Variants in GRIK2 observed in about 807,000 individuals in gnomAD.
GRIK2 encodes the protein glutamate receptor ionotropic, kainate 2.
GRIK2 carries 32 observed loss-of-function variants against 100.3 expected under a neutral mutation model. The observed-to-expected ratio is 0.32, with a 90% CI of 0.24 to 0.43. GRIK2 has a LOEUF of 0.43. Among genes scored for constraint, GRIK2 ranks in the 20% least tolerant of loss-of-function variants. The pLI is 1.00. For synonymous variants in GRIK2, 417 were observed against 389.4 expected (o/e 1.07, Z -0.83); for missense variants, 843 against 1,114.9 (o/e 0.76, Z 3.47).
At chr6:102,031,642 G>A (rs1374948156) in intron 14 of GRIK2, among the ~76,000 whole-genome samples, 2 of 150,862 alleles carry the variant, frequency 1.3e-5, no homozygotes, top group African/African-American at 4.9e-5. Flanking sequence ...GTAATCCCCC[G>A]TGTCTATTGT....
intron 14 of GRIK2, among the ~76,000 whole-genome samples, chr6:101,960,048 GTTTTGTT>G (rs1028068023): frequency 3.4e-5 from 4 of 118,266 alleles, no homozygotes; most frequent in African/African-American, 1.1e-4. Flanking sequence ...TTTTTTTAGT[GTTTTGTT>G]TTTTTTTTTT....
intron 6 of GRIK2, among the ~76,000 whole-genome samples, chr6:101,684,994 CTG>C (rs1771574376): frequency 6.6e-6 from 1 of 152,070 alleles, no homozygotes; most frequent in Non-Finnish European, 1.5e-5. Context: ...CTTCCTGCTT[CTG>C]TGTCTTCTCA....
intron 14 of GRIK2, among the ~76,000 whole-genome samples, chr6:102,028,396 C>A (rs753428315): frequency 1.3e-4 from 19 of 151,180 alleles, no homozygotes; most frequent in Non-Finnish European, 7.4e-5. Flanking sequence ...AAAAACAAAT[C>A]GGCTTACAAG....
chr6:101,890,976 CATATAT>C (rs61125711), intron 12 of GRIK2, among the ~76,000 whole-genome samples: 62 of 146,822 alleles, frequency 4.2e-4, no homozygotes, highest in South Asian at 8.8e-4. Context: ...ATAAAGTGTA[CATATAT>C]ATATATATAT....
At chr6:101,775,501 A>C (rs1335642569) in intron 7 of GRIK2, among the ~76,000 whole-genome samples, 1 of 151,588 alleles carries the variant, frequency 6.6e-6, no homozygotes, top group African/African-American at 2.4e-5. Flanking sequence ...GTAGAGACAA[A>C]AATCTTTATA....
intron 4 of GRIK2, among the ~76,000 whole-genome samples, chr6:101,666,999 T>C (rs1353781570): frequency 6.6e-6 from 1 of 152,176 alleles, no homozygotes; most frequent in Non-Finnish European, 1.5e-5. Flanking sequence ...CAAATGCTTA[T>C]AAGGGAGAAA....
In GRIK2 at chr6:101,411,622, G is replaced by A. The variant is rs117089329; in HGVS notation, c.115+12230G>A. ...ATAATGAGCAGCGGCATCAGCTTTC[G>A]GAATTAGCAGTTGATAATCATGTCT... On this transcript the variant is annotated intron_variant, in intron 2 of 16. Transcript: ENST00000369134. Among the ~76,000 whole-genome samples the A allele has an allele frequency of 8.8e-4, 134 of 152,070 alleles. 2 individuals carry two copies. The East Asian group carries it at 0.018, about 20-fold the overall frequency.
chr6:101,682,434 A>C, intron 5 of GRIK2, 119 bp from the exon 6 acceptor site: 1 of 662,402 alleles, frequency 1.5e-6, no homozygotes, highest in South Asian at 1.7e-5. Flanking sequence ...AATTGTATGT[A>C]ACATGAATAT....
At chr6:101,668,417 A>G (rs1562297187) in intron 4 of GRIK2, among the ~76,000 whole-genome samples, 1 of 152,190 alleles carries the variant, frequency 6.6e-6, no homozygotes, top group Non-Finnish European at 1.5e-5. Context: ...CTATTTTTAC[A>G]GCATTGCCAC....
At chr6:101,497,479 T>C (rs1441495684) in intron 2 of GRIK2, among the ~76,000 whole-genome samples, 1 of 106,510 alleles carries the variant, frequency 9.4e-6, no homozygotes, top group Non-Finnish European at 2.1e-5. Flanking sequence ...TCACTCTTAT[T>C]GAGTTTTGTG....
chr6:101,618,584 A>AT (rs1780005267), intron 2 of GRIK2, among the ~76,000 whole-genome samples: 1 of 151,600 alleles, frequency 6.6e-6, no homozygotes, highest in African/African-American at 2.4e-5. Flanking sequence ...AAATTTATTG[A>AT]TTTTCACCCA....
chr6:101,661,607 G>A (rs1293046743), intron 4 of GRIK2, among the ~76,000 whole-genome samples: 6 of 152,106 alleles, frequency 3.9e-5, no homozygotes, highest in Non-Finnish European at 7.4e-5. Context: ...TGGTGGTGTA[G>A]GAACCTGAGG....
At position 101,889,747 on chromosome 6, in the gene GRIK2, G is replaced by T; in HGVS notation, c.1632G>T (p.Lys544Asn). 1 of 1,612,792 alleles carries T rather than the reference G, an allele frequency of 6.2e-7. No individual in the cohort carries two copies. Among genetic ancestry groups the T allele is most frequent in the Non-Finnish European group, 8.5e-7 (1 of 1,179,102 alleles). ...MTLGISILYR[K>N]PNGTNPGVFS... is the part of the protein sequence containing the mutation. ...TTGGAATAAGTATTTTGTACCGCAA[G>T]CCCAATGGTACAAACCCAGGCGTCT... is the stretch of plus-strand genomic sequence containing the variant. The change falls in exon 12 of 17, where the codon AAG becomes AAT. Residue 544 changes from lysine (K) to asparagine (N), a missense_variant. Lys to Asn is a moderately conservative substitution (Grantham distance 94). Coordinates refer to ENST00000369134, the MANE Select transcript of GRIK2 (RefSeq NM_021956.5).
intron 14 of GRIK2, among the ~76,000 whole-genome samples, chr6:101,955,654 G>GT (rs79210018): frequency 7.2e-6 from 1 of 139,578 alleles, no homozygotes; most frequent in South Asian, 2.3e-4. Context: ...GGTAGTTTGT[G>GT]TTTTTTAAGG....
intron 10 of GRIK2, among the ~76,000 whole-genome samples, chr6:101,826,793 T>G (rs945987402): frequency 6.6e-6 from 1 of 151,562 alleles, no homozygotes; most frequent in Non-Finnish European, 1.5e-5. Context: ...TTAAAAAAAA[T>G]GACGTTTTTT....
At chr6:101,926,997 G>T (rs973788982) in intron 13 of GRIK2, among the ~76,000 whole-genome samples, 1 of 152,042 alleles carries the variant, frequency 6.6e-6, no homozygotes, top group African/African-American at 2.4e-5. Context: ...ATCATCTTGG[G>T]AGTATTTAGT....
intron 4 of GRIK2, among the ~76,000 whole-genome samples, chr6:101,668,876 G>C (rs1339586498): frequency 6.6e-6 from 1 of 152,098 alleles, no homozygotes; most frequent in East Asian, 1.9e-4. Context: ...GTCTCCTCCT[G>C]GATTCTCCTT....
chr6:101,845,203 AG>A lies in GRIK2; in HGVS notation c.1318-14083del, dbSNP rs1252520006. On this transcript the variant is annotated intron_variant, in intron 10 of 16. Transcript: ENST00000369134. ...CCTGGCTAATATTTTTATTTTGTAC[AG>A]ATGGGGTCTCGCTATGTTGCCCAAG... Among the ~76,000 whole-genome samples the A allele has an allele frequency of 2.0e-5, 3 of 152,172 alleles. No homozygotes were observed. The East Asian group carries it at 5.8e-4, about 30-fold the overall frequency.
intron 2 of GRIK2, among the ~76,000 whole-genome samples, chr6:101,416,793 G>A (rs1362663710): frequency 6.6e-6 from 1 of 152,158 alleles, no homozygotes; most frequent in Admixed American, 6.5e-5. Flanking sequence ...ATAAAAATGT[G>A]TGGCCATTGC....
Sources: allele counts gnomAD v4.1 joint callset (sites outside exome capture counted in the v4.1 genomes callset), GRCh38; gene constraint gnomAD v4.1.1; transcripts MANE v1.5; gene names NCBI Gene and HGNC (gene_info 2026-07-23, HGNC 2026-07-21).